Variants in SIL1 observed in about 807,000 individuals in gnomAD.
SIL1 encodes the protein nucleotide exchange factor SIL1.
A neutral mutation model predicts 49.1 loss-of-function variants in SIL1; 40 were observed. The ratio of observed to expected loss-of-function variants is 0.81; its 90% CI spans 0.63 to 1.06. The LOEUF (loss-of-function observed/expected upper bound fraction) is 1.06, where lower values mean the gene tolerates loss of function less well. SIL1 is among the 50% of genes least tolerant of loss of function. The pLI is 0.00. For synonymous variants in SIL1, 253 were observed against 250.8 expected, an observed-to-expected ratio of 1.01 and a Z score of -0.08; for missense variants, 500 against 572.6, an observed-to-expected ratio of 0.87 and a Z score of 1.29.
chr5:139,028,508 A>C (rs1179477791), intron 5 of SIL1, among the ~76,000 whole-genome samples: 1 of 60,774 alleles, frequency 1.6e-5, no homozygotes, highest in Non-Finnish European at 3.4e-5. Context: ...AAAACAAAAC[A>C]AAACAAAACA....
At chr5:139,100,087 ATTTT>A (rs1307267347) in intron 3 of SIL1, among the ~76,000 whole-genome samples, 1 of 152,182 alleles carries the variant, frequency 6.6e-6, no homozygotes, top group Admixed American at 6.5e-5. Flanking sequence ...GTAACATGAA[ATTTT>A]TTTAAAAAGA....
chr5:139,073,654 T>C (rs1419590996), intron 3 of SIL1, among the ~76,000 whole-genome samples: 1 of 152,074 alleles, frequency 6.6e-6, no homozygotes, highest in East Asian at 1.9e-4. Context: ...GTTAATAATA[T>C]ATTGTGGCTG....
chr5:139,170,631 G>A (rs1434558907), intron 1 of SIL1, among the ~76,000 whole-genome samples: 2 of 147,194 alleles, frequency 1.4e-5, no homozygotes, highest in African/African-American at 5.1e-5. Context: ...CCTCTGCCTG[G>A]CAACCGCCCC....
chr5:139,002,578 T>A (rs1003620915), intron 7 of SIL1, among the ~76,000 whole-genome samples: 3 of 152,114 alleles, frequency 2.0e-5, no homozygotes, highest in African/African-American at 7.2e-5. Context: ...TAAATAAGGA[T>A]GAAAGAGAAA....
chr5:139,105,016 G>A (rs1026318993), intron 3 of SIL1, among the ~76,000 whole-genome samples: 1 of 152,130 alleles, frequency 6.6e-6, no homozygotes, highest in African/African-American at 2.4e-5. Context: ...AGAAGCACAC[G>A]CAATGAGGGG....
At chr5:139,130,284 T>TA (rs1238732443) in intron 1 of SIL1, among the ~76,000 whole-genome samples, 1 of 150,842 alleles carries the variant, frequency 6.6e-6, no homozygotes, top group Non-Finnish European at 1.5e-5. Flanking sequence ...ATTCTGCCAC[T>TA]AAAAAAAATA....
chr5:139,046,077 C>T (rs1309806750), intron 4 of SIL1, among the ~76,000 whole-genome samples: 1 of 152,222 alleles, frequency 6.6e-6, no homozygotes, highest in Non-Finnish European at 1.5e-5. Context: ...GCCTGCAATT[C>T]CGGCACTTTG....
chr5:139,165,314 T>G (rs1187178038), intron 1 of SIL1, among the ~76,000 whole-genome samples: 1 of 152,216 alleles, frequency 6.6e-6, no homozygotes. Flanking sequence ...CACTTTGAGT[T>G]GTCCCACCTT....
chr5:139,130,913 G>C (rs1197212876), intron 1 of SIL1, among the ~76,000 whole-genome samples: 1 of 152,116 alleles, frequency 6.6e-6, no homozygotes, highest in Admixed American at 6.6e-5. Context: ...GAAATATTTA[G>C]AACAGACAAA....
chr5:139,182,989 G>T (rs1321792099), intron 1 of SIL1, among the ~76,000 whole-genome samples: 1 of 152,224 alleles, frequency 6.6e-6, no homozygotes, highest in Non-Finnish European at 1.5e-5. Context: ...TAGTCGTCAT[G>T]TTTATTGGAG....
At chr5:139,027,219 A>G (rs1302426739) in intron 5 of SIL1, among the ~76,000 whole-genome samples, 1 of 152,256 alleles carries the variant, frequency 6.6e-6, no homozygotes, top group Non-Finnish European at 1.5e-5. Context: ...AAGATGTTCC[A>G]AGATTCGCTT....
In SIL1 at chr5:139,175,934, T is replaced by G. The variant is rs545316816; in HGVS notation, c.-11+22335A>C. On this transcript the variant is annotated intron_variant, in intron 1 of 9. Transcript: ENST00000394817. ...GCCACGATCTTGCCATTGCATGATC[T>G]GGGCAACAGAGTGAGACTCAGTCTC... is the stretch of plus-strand genomic sequence containing the variant. Among the ~76,000 whole-genome samples the G allele has an allele frequency of 5.9e-5, 9 of 152,208 alleles. No homozygotes were observed. In the South Asian group the frequency reaches 1.7e-3, roughly 28 times the overall value.
Position 139,168,613 on chromosome 5 carries a change from G to A in SIL1, c.-11+29656C>T, listed in dbSNP as rs182701019. On this transcript the variant is annotated intron_variant, in intron 1 of 9. Transcript: ENST00000394817. ...TGAAGTGACTTCCTGGAGATTTAAA[G>A]GGCCAATGCTTTTTTTTTTCCTCCC... 5.9e-3 allele frequency among the ~76,000 whole-genome samples: 743 copies of A among 126,132 alleles called. 5 individuals are homozygous for A. The highest frequency in any genetic ancestry group is 7.3e-3 in the Non-Finnish European group (397 of 54,726). The allele number at this position is 126,132 out of a possible 152,430, so 82.7% of individuals were successfully genotyped here. A position where few individuals can be genotyped will look rare whatever the true frequency, so the allele number is the denominator to read the frequency against.
At chr5:139,146,797 T>C (rs1230106509) in intron 1 of SIL1, among the ~76,000 whole-genome samples, 2 of 152,196 alleles carry the variant, frequency 1.3e-5, no homozygotes, top group African/African-American at 4.8e-5. Flanking sequence ...ATGTATAGAT[T>C]TTCTAATATG....
chr5:138,993,007 C>T (rs1767789938), intron 7 of SIL1, among the ~76,000 whole-genome samples: 1 of 152,134 alleles, frequency 6.6e-6, no homozygotes, highest in Non-Finnish European at 1.5e-5. Context: ...AGTGGTCCCC[C>T]ACAATCTGTT....
At chr5:139,008,094 A>T (rs1020265702) in intron 7 of SIL1, among the ~76,000 whole-genome samples, 1 of 151,168 alleles carries the variant, frequency 6.6e-6, no homozygotes, top group African/African-American at 2.4e-5. Context: ...CTGGTCCTGG[A>T]CTCTTTTTGG....
chr5:139,197,377 C>A (rs945138111), intron 1 of SIL1, among the ~76,000 whole-genome samples: 1 of 151,672 alleles, frequency 6.6e-6, no homozygotes, highest in Non-Finnish European at 1.5e-5. Context: ...GTTAACTTAA[C>A]CCCCGCCCCA....
intron 7 of SIL1, among the ~76,000 whole-genome samples, chr5:138,994,695 T>C (rs1767825658): frequency 6.6e-6 from 1 of 152,210 alleles, no homozygotes; most frequent in African/African-American, 2.4e-5. Context: ...ATACGTGTAA[T>C]AAATTTTTAA....
At chr5:139,133,620 GGCA>G (rs1244494349) in intron 1 of SIL1, 1 of 152,228 alleles carries the variant, frequency 6.6e-6, no homozygotes, top group African/African-American at 2.4e-5. Flanking sequence ...AGGACCCATG[GGCA>G]GTAGCTGAGT....
Sources: gnomAD v4.1 joint callset for allele counts (sites outside exome capture counted in the v4.1 genomes callset) on GRCh38, gnomAD v4.1.1 for gene constraint, MANE v1.5 for transcripts, NCBI Gene and HGNC (gene_info 2026-07-23, HGNC 2026-07-21) for gene names.